The following SORBS2 variants were observed in gnomAD, a reference collection of about 807,000 sequenced individuals.
SORBS2 encodes sorbin and SH3 domain-containing protein 2.
Under a neutral mutation model 97.7 loss-of-function variants are expected in SORBS2, and 46 were observed. The ratio of observed to expected loss-of-function variants is 0.47; its 90% confidence interval spans 0.37 to 0.60. SORBS2 has a LOEUF of 0.60. Among genes scored for constraint, SORBS2 ranks in the 20% least tolerant of loss-of-function variants. SORBS2 has a pLI of 0.00. For missense variants in SORBS2, 1,316 were observed against 1,282.3 expected, an observed-to-expected ratio of 1.03 and a Z score of -0.40; for synonymous variants, 476 against 473.4, an observed-to-expected ratio of 1.01 and a Z score of -0.07.
intron 2 of SORBS2, among the ~76,000 whole-genome samples, chr4:185,722,149 T>C (rs2098519761): frequency 6.6e-6 from 1 of 152,198 alleles, no homozygotes; most frequent in African/African-American, 2.4e-5. Flanking sequence ...TCATATTATG[T>C]CACTGGGTCC....
intron 4 of SORBS2, among the ~76,000 whole-genome samples, chr4:185,664,761 G>A (rs1351773840): frequency 6.6e-6 from 1 of 152,114 alleles, no homozygotes; most frequent in Non-Finnish European, 1.5e-5. Flanking sequence ...ACATTTCTCT[G>A]CGCATAAAAT....
intron 1 of SORBS2, among the ~76,000 whole-genome samples, chr4:185,816,808 C>T (rs369373006): frequency 6.6e-6 from 1 of 152,176 alleles, no homozygotes; most frequent in Non-Finnish European, 1.5e-5. Context: ...TATAGAAGAA[C>T]AAAACCTTGC....
intron 1 of SORBS2, among the ~76,000 whole-genome samples, chr4:185,908,436 A>G (rs1471045102): frequency 7.1e-6 from 1 of 140,956 alleles, no homozygotes; most frequent in Non-Finnish European, 1.5e-5. Context: ...AACTATTTAA[A>G]TATTTGAAAT....
At chr4:185,904,697 A>G (rs561877050) in intron 1 of SORBS2, among the ~76,000 whole-genome samples, 1 of 152,266 alleles carries the variant, frequency 6.6e-6, no homozygotes, top group Non-Finnish European at 1.5e-5. Context: ...TGATATTTCA[A>G]GAGACTAAAA....
chr4:185,697,289 T>A (rs1000024970), intron 2 of SORBS2, among the ~76,000 whole-genome samples: 4 of 152,220 alleles, frequency 2.6e-5, no homozygotes, highest in Non-Finnish European at 5.9e-5. Context: ...ACATGGGGCA[T>A]TATTGTATTG....
intron 2 of SORBS2, among the ~76,000 whole-genome samples, chr4:185,744,060 T>TC (rs1283617358): frequency 7.4e-6 from 1 of 135,538 alleles, no homozygotes; most frequent in African/African-American, 2.8e-5. Context: ...TTCCTCCTTC[T>TC]CCCCCTTCCT....
chr4:185,640,325 GT>G (rs1475447071), intron 4 of SORBS2, among the ~76,000 whole-genome samples: 1 of 152,192 alleles, frequency 6.6e-6, no homozygotes, highest in Non-Finnish European at 1.5e-5. Context: ...CATGAACACA[GT>G]AAAGAAGTCA....
Position 185,797,460 on chromosome 4 carries a change from C to T in SORBS2, c.-337-22094G>A, listed in dbSNP as rs189596322. 2.1e-3 allele frequency among the ~76,000 whole-genome samples: 320 copies of T among 152,196 alleles called. 1 individual carries two copies. Among genetic ancestry groups the T allele is most frequent in the Non-Finnish European group, 3.9e-3 (265 of 68,028 alleles). ...AGCTCCAATGGTTCTCTCTCTTTCTCTCTTTTTCTTTCCCTAAAGAATTAA... is the reference window on the plus strand; with the variant it reads ...AGCTCCAATGGTTCTCTCTCTTTCTTTCTTTTTCTTTCCCTAAAGAATTAA... On this transcript the variant is annotated intron_variant, in intron 1 of 20. Transcript: ENST00000284776.
chr4:185,821,599 T>G (rs1300650666), intron 1 of SORBS2, among the ~76,000 whole-genome samples: 1 of 151,994 alleles, frequency 6.6e-6, no homozygotes, highest in Non-Finnish European at 1.5e-5. Context: ...AATTTTTGTA[T>G]TTTTAGTAGA....
intron 1 of SORBS2, among the ~76,000 whole-genome samples, chr4:185,821,086 C>A (rs1244149440): frequency 6.6e-6 from 1 of 152,198 alleles, no homozygotes; most frequent in Admixed American, 6.5e-5. Flanking sequence ...CGTGAGGGAA[C>A]AAATAGTGAT....
intron 1 of SORBS2, among the ~76,000 whole-genome samples, chr4:185,836,667 T>C (rs958254036): frequency 5.3e-5 from 8 of 152,160 alleles, no homozygotes; most frequent in Non-Finnish European, 1.0e-4. Flanking sequence ...TGGCGGGGTC[T>C]CTATTCAAAC....
chr4:185,643,399 G>A (rs556531797), intron 4 of SORBS2, among the ~76,000 whole-genome samples: 1 of 152,318 alleles, frequency 6.6e-6, no homozygotes, highest in Admixed American at 6.5e-5. Context: ...GTCAGCTGGA[G>A]CCCAGTCACA....
chr4:185,835,652 ATTTTTTTTTT>A (rs5864964), intron 1 of SORBS2, among the ~76,000 whole-genome samples: 1 of 122,232 alleles, frequency 8.2e-6, no homozygotes, highest in South Asian at 2.6e-4. Context: ...TTTTGAAAGG[ATTTTTTTTTT>A]TTTTTTTTTT....
chr4:185,906,382 A>G (rs1162184675), intron 1 of SORBS2, among the ~76,000 whole-genome samples: 2 of 152,190 alleles, frequency 1.3e-5, no homozygotes, highest in Non-Finnish European at 2.9e-5. Context: ...CAGATTTAAT[A>G]TGCCACTCTA....
At chr4:185,874,198 T>C (rs935755089) in intron 1 of SORBS2, among the ~76,000 whole-genome samples, 1 of 152,218 alleles carries the variant, frequency 6.6e-6, no homozygotes, top group Non-Finnish European at 1.5e-5. Context: ...CATAGTGTTG[T>C]GCCAAAAATA....
chr4:185,917,967 A>G (rs1226750873), intron 1 of SORBS2, among the ~76,000 whole-genome samples: 1 of 152,228 alleles, frequency 6.6e-6, no homozygotes, highest in Non-Finnish European at 1.5e-5. Context: ...TGTATTATGA[A>G]TATGGCAGAC....
At position 185,733,518 on chromosome 4, in the gene SORBS2, G is replaced by A. The variant is rs1300948781; in HGVS notation, c.-198+41709C>T. Among the ~76,000 whole-genome samples, 3 of 152,194 alleles carry A rather than the reference G, an allele frequency of 2.0e-5. No homozygotes were observed. The South Asian group carries it at 6.2e-4, about 32-fold the overall frequency. On this transcript the variant is annotated intron_variant, in intron 2 of 20. Coordinates refer to the SORBS2 transcript ENST00000284776. ...GAGAAGCAGGAAACTGCACATTGGT[G>A]GGCTGGAGGGGCTTGGAGGGGCTGA...
At chr4:185,681,955 T>G (rs2097875709) in intron 2 of SORBS2, among the ~76,000 whole-genome samples, 2 of 152,226 alleles carry the variant, frequency 1.3e-5, no homozygotes, top group African/African-American at 4.8e-5. Flanking sequence ...AATTATTATT[T>G]TGATGCCTAT....
chr4:185,878,579 G>T (rs1266619333), intron 1 of SORBS2, among the ~76,000 whole-genome samples: 1 of 152,074 alleles, frequency 6.6e-6, no homozygotes, highest in African/African-American at 2.4e-5. Context: ...TGAATAGAAC[G>T]ATCGCCCATC....
Sources: allele counts gnomAD v4.1 joint callset (sites outside exome capture counted in the v4.1 genomes callset), GRCh38; gene constraint gnomAD v4.1.1; transcripts MANE v1.5; gene names NCBI Gene and HGNC (gene_info 2026-07-23, HGNC 2026-07-21).